Variants in TSHZ2 observed in about 807,000 individuals in gnomAD.
The protein encoded by TSHZ2 is teashirt zinc finger homeobox 2.
In TSHZ2, 21 loss-of-function variants were observed where a neutral mutation model predicts 74.4. The ratio of observed to expected loss-of-function variants is 0.28; its 90% CI spans 0.20 to 0.41. TSHZ2 has a LOEUF of 0.41. Among genes scored for constraint, TSHZ2 ranks in the 10% least tolerant of loss-of-function variants. The pLI is 1.00. For synonymous variants in TSHZ2, 540 were observed against 515.3 expected, an observed-to-expected ratio of 1.05 and a Z score of -0.65; for missense variants, 1,244 against 1,293.5, an observed-to-expected ratio of 0.96 and a Z score of 0.59.
At chr20:53,327,959 C>T (rs1414208624) in intron 2 of TSHZ2, among the ~76,000 whole-genome samples, 2 of 152,182 alleles carry the variant, frequency 1.3e-5, no homozygotes, top group African/African-American at 2.4e-5. Context: ...AGAAAGGTTT[C>T]GTGACTGCAG....
chr20:53,080,240 G>A (rs988027345), intron 1 of TSHZ2, among the ~76,000 whole-genome samples: 1 of 152,104 alleles, frequency 6.6e-6, no homozygotes, highest in African/African-American at 2.4e-5. Context: ...CAAACATTGT[G>A]AATAGTAACA....
At chr20:53,008,914 A>G (rs975799880) in intron 1 of TSHZ2, among the ~76,000 whole-genome samples, 1 of 152,174 alleles carries the variant, frequency 6.6e-6, no homozygotes, top group South Asian at 2.1e-4. Context: ...AGAGATTAAC[A>G]ACAATAAAAA....
At chr20:53,093,569 C>T (rs1985950393) in intron 1 of TSHZ2, among the ~76,000 whole-genome samples, 1 of 152,222 alleles carries the variant, frequency 6.6e-6, no homozygotes, top group Non-Finnish European at 1.5e-5. Flanking sequence ...ATGCCACTTT[C>T]TTTTCCAGAA....
chr20:53,334,713 G>A (rs1044611740), intron 2 of TSHZ2, among the ~76,000 whole-genome samples: 2 of 149,224 alleles, frequency 1.3e-5, no homozygotes, highest in African/African-American at 2.5e-5. Flanking sequence ...ATTTTTTTTT[G>A]AGGCAGAGTC....
chr20:53,043,065 T>C (rs78504302), intron 1 of TSHZ2, among the ~76,000 whole-genome samples: 3,237 of 152,304 alleles, frequency 0.021, 94 homozygotes, highest in South Asian at 0.14. Flanking sequence ...ATTTTAATTT[T>C]TTTAGGTTGG....
chr20:53,392,603 A>C (rs1248838626), intron 2 of TSHZ2, among the ~76,000 whole-genome samples: 3 of 152,228 alleles, frequency 2.0e-5, no homozygotes, highest in Non-Finnish European at 4.4e-5. Context: ...GTAGGAGGAA[A>C]TATACCAAAT....
chr20:53,488,835 T>TAAAAA lies in TSHZ2; in HGVS notation c.*1711_*1715dup. On this transcript the variant is annotated 3_prime_UTR_variant, in exon 3 of 3. Coordinates refer to ENST00000371497, the MANE Select transcript of TSHZ2 (RefSeq NM_173485.6). ...TGATCCCTAAATTCAACATTGGGAT[T>TAAAAA]AAAAAAAAAAAAAAACTTCTTATTT... 2 of 303,652 alleles carry TAAAAA rather than the reference T, an allele frequency of 6.6e-6. No homozygotes were observed. The highest frequency in any genetic ancestry group is 2.7e-5 in the South Asian group (1 of 36,788). 18.8% of individuals were successfully genotyped at this position (303,652 alleles called of 1,614,324 possible).
intron 1 of TSHZ2, among the ~76,000 whole-genome samples, chr20:53,136,473 T>C (rs1987248738): frequency 6.6e-6 from 1 of 152,246 alleles, no homozygotes; most frequent in Admixed American, 6.5e-5. Context: ...TATTGGCTAC[T>C]TGCTGTATGT....
intron 2 of TSHZ2, among the ~76,000 whole-genome samples, chr20:53,298,736 A>T (rs1991427509): frequency 6.6e-6 from 1 of 152,210 alleles, no homozygotes; most frequent in African/African-American, 2.4e-5. Flanking sequence ...ACATACTGGG[A>T]TGCTACTGAG....
intron 1 of TSHZ2, among the ~76,000 whole-genome samples, chr20:53,167,553 G>C (rs1045784948): frequency 3.9e-5 from 6 of 151,974 alleles, no homozygotes; most frequent in African/African-American, 1.2e-4. Context: ...TGTTTTGTTT[G>C]TTTGCTTGCT....
intron 1 of TSHZ2, among the ~76,000 whole-genome samples, chr20:53,212,951 T>C (rs1001245566): frequency 6.6e-6 from 1 of 152,150 alleles, no homozygotes; most frequent in African/African-American, 2.4e-5. Flanking sequence ...GTGGGTTGAC[T>C]TCTCCTGAAT....
At chr20:53,321,330 C>T (rs1012918405) in intron 2 of TSHZ2, among the ~76,000 whole-genome samples, 1 of 152,026 alleles carries the variant, frequency 6.6e-6, no homozygotes, top group Non-Finnish European at 1.5e-5. Context: ...AATCTGAGAA[C>T]TCCTGGACTA....
rs77524549 is a variant in TSHZ2, at chr20:53,414,189, T to C, written c.*9-72955T>C. Among the ~76,000 whole-genome samples, 120 of 152,192 alleles carry C rather than the reference T, an allele frequency of 7.9e-4. 1 individual carries two copies. The East Asian group carries it at 0.02, about 26-fold the overall frequency. On this transcript the variant is annotated intron_variant, in intron 2 of 2. Transcript: ENST00000371497. The stretch of plus-strand genomic sequence containing the variant: ...TAATATATACATATACACACACTCA[T>C]GTTTATGTAGAGAACATTTCTGGAA...
At chr20:53,309,023 T>G (rs913533670) in intron 2 of TSHZ2, among the ~76,000 whole-genome samples, 1 of 152,168 alleles carries the variant, frequency 6.6e-6, no homozygotes, top group Non-Finnish European at 1.5e-5. Flanking sequence ...GTTCTTCACA[T>G]GAAGGGAGGA....
rs139257788 is a variant in TSHZ2, at chr20:53,101,572, G to A, written c.40+128239G>A. On this transcript the variant is annotated intron_variant, in intron 1 of 2. Coordinates refer to ENST00000371497, the MANE Select transcript of TSHZ2 (RefSeq NM_173485.6). ...ACCATTCTTGATTTCAGAACTTTCC[G>A]ACAGTTTGTAGAAACCACAGCCCCC... Among the ~76,000 whole-genome samples the A allele has an allele frequency of 2.3e-4, 35 of 152,272 alleles. No homozygotes were observed. In the East Asian group the frequency reaches 6.0e-3, roughly 26 times the overall value.
chr20:53,267,770 A>G (rs958546949), intron 2 of TSHZ2, among the ~76,000 whole-genome samples: 22 of 152,368 alleles, frequency 1.4e-4, no homozygotes, highest in Admixed American at 3.9e-4. Context: ...ATCAACACTG[A>G]TATTTATTGA....
At chr20:53,342,211 C>T (rs1009992504) in intron 2 of TSHZ2, among the ~76,000 whole-genome samples, 2 of 151,662 alleles carry the variant, frequency 1.3e-5, no homozygotes, top group African/African-American at 4.9e-5. Context: ...GCGTCATTTT[C>T]CTGCTCCAGG....
chr20:53,442,490 G>A (rs2145760149), intron 2 of TSHZ2, among the ~76,000 whole-genome samples: 1 of 152,290 alleles, frequency 6.6e-6, no homozygotes. Context: ...ATAAGCCAGT[G>A]CACGGATTCT....
intron 1 of TSHZ2, among the ~76,000 whole-genome samples, chr20:53,075,717 T>C (rs1370235059): frequency 1.3e-5 from 2 of 152,178 alleles, no homozygotes; most frequent in African/African-American, 4.8e-5. Context: ...CCCAGGCTGC[T>C]AGGAGACTGA....
Sources: allele counts gnomAD v4.1 joint callset (sites outside exome capture counted in the v4.1 genomes callset), GRCh38; gene constraint gnomAD v4.1.1; transcripts MANE v1.5; gene names NCBI Gene and HGNC (gene_info 2026-07-23, HGNC 2026-07-21).